Variants in SPICE1 observed in about 807,000 individuals in gnomAD.
SPICE1 encodes spindle and centriole-associated protein 1.
In SPICE1, 75 loss-of-function variants were observed where a neutral mutation model predicts 102.7. The ratio of observed to expected loss-of-function variants is 0.73; its 90% CI spans 0.61 to 0.88. The LOEUF is 0.88. SPICE1 is among the 40% of genes least tolerant of loss of function. SPICE1 has a pLI of 0.00. For missense variants in SPICE1, 979 were observed against 1,020.1 expected (o/e 0.96, Z 0.55); for synonymous variants, 308 against 350.3 (o/e 0.88, Z 1.35).
At chr3:113,448,292 T>C (rs948085098) in intron 15 of SPICE1, 152 bp from the exon 16 acceptor site, 3 of 631,190 alleles carry the variant, frequency 4.8e-6, no homozygotes, top group Non-Finnish European at 7.4e-6. Context: ...AAAGACTTTT[T>C]TTTTTTTTTA....
intron 1 of SPICE1, among the ~76,000 whole-genome samples, chr3:113,512,884 G>C (rs1270112937): frequency 6.6e-6 from 1 of 152,092 alleles, no homozygotes; most frequent in Non-Finnish European, 1.5e-5. Flanking sequence ...CCAGGCACTG[G>C]CTAGGCATTA....
chr3:113,459,841 C>T, intron 12 of SPICE1: 3 of 972,490 alleles, frequency 3.1e-6, no homozygotes, highest in Non-Finnish European at 2.4e-6. Flanking sequence ...GAGAGGGCGC[C>T]ACTACACTCC....
At chr3:113,481,193 A>G (rs1352634648) in intron 7 of SPICE1, among the ~76,000 whole-genome samples, 1 of 152,196 alleles carries the variant, frequency 6.6e-6, no homozygotes, top group Non-Finnish European at 1.5e-5. Flanking sequence ...CCAAGATTCA[A>G]TAAAGTAGCA....
chr3:113,453,779 C>T lies in SPICE1; in HGVS notation c.1829G>A (p.Gly610Glu). 1 of 1,614,084 alleles carries T rather than the reference C, an allele frequency of 6.2e-7. No homozygotes were observed. The highest frequency in any genetic ancestry group is 1.3e-5 in the African/African-American group (1 of 75,000). The change falls in exon 14 of 18, where the codon GGA becomes GAA. Residue 610 changes from glycine to glutamate, a missense_variant. By Grantham distance (98) the Gly-to-Glu change is moderately conservative. Transcript: ENST00000295872. ...FTQRWRVSHM[G>E]EDLENKTQAP... ...CTGAGTTTTGTTCTCCAAATCTTCTCCCATGTGAGAGACTCTCCATCTCTG... is the reference window on the plus strand; with the variant it reads ...CTGAGTTTTGTTCTCCAAATCTTCTTCCATGTGAGAGACTCTCCATCTCTG...
At chr3:113,467,243 T>C (rs931523448) in intron 10 of SPICE1, among the ~76,000 whole-genome samples, 4 of 152,200 alleles carry the variant, frequency 2.6e-5, no homozygotes, top group Non-Finnish European at 4.4e-5. Context: ...TCTAATTCTG[T>C]GGCATTCTGT....
chr3:113,484,827 G>A (rs556365204), intron 7 of SPICE1, among the ~76,000 whole-genome samples: 3 of 152,282 alleles, frequency 2.0e-5, no homozygotes, highest in African/African-American at 7.2e-5. Flanking sequence ...GTACTGAGAA[G>A]AATGTATATT....
At chr3:113,450,628 G>T (rs1935628810) in intron 14 of SPICE1, 112 bp from the exon 15 acceptor site, 1 of 1,080,620 alleles carries the variant, frequency 9.3e-7, no homozygotes, top group Non-Finnish European at 1.3e-6. Flanking sequence ...CCAGGCTGGA[G>T]TGCAGTGGCG....
chr3:113,447,853 T>TA (rs1235111735), intron 16 of SPICE1, among the ~76,000 whole-genome samples, 185 bp downstream of exon 16: 1 of 152,194 alleles, frequency 6.6e-6, no homozygotes, highest in Non-Finnish European at 1.5e-5. Flanking sequence ...CCTTTCTACT[T>TA]AAAGTTTATT....
At chr3:113,504,571 C>CAAAAAAAAAAAAAAAA (rs71633321) in intron 2 of SPICE1, among the ~76,000 whole-genome samples, 1 of 67,856 alleles carries the variant, frequency 1.5e-5, no homozygotes, top group Non-Finnish European at 2.9e-5. Flanking sequence ...GACCTTGTCT[C>CAAAAAAAAAAAAAAAA]AAAAAAAAAA....
chr3:113,447,167 T>G (rs1195915128), intron 16 of SPICE1, among the ~76,000 whole-genome samples: 1 of 152,206 alleles, frequency 6.6e-6, no homozygotes, highest in Non-Finnish European at 1.5e-5. Context: ...AACCTCTTTT[T>G]CTTCCCAATC....
At chr3:113,511,078 C>A (rs768793161) in intron 1 of SPICE1, among the ~76,000 whole-genome samples, 32 of 152,156 alleles carry the variant, frequency 2.1e-4, no homozygotes, top group Non-Finnish European at 3.7e-4. Context: ...TCATGCCAGT[C>A]AGAATGGCGA....
At chr3:113,506,736 G>C in intron 1 of SPICE1, 131 bp from the exon 2 acceptor site, 1 of 636,342 alleles carries the variant, frequency 1.6e-6, no homozygotes, top group Middle Eastern at 4.0e-4. Flanking sequence ...CATGATGAAA[G>C]GAACAGCCTA....
intron 1 of SPICE1, among the ~76,000 whole-genome samples, chr3:113,508,329 T>C (rs1937151721): frequency 6.6e-6 from 1 of 151,966 alleles, no homozygotes; most frequent in African/African-American, 2.4e-5. Context: ...ATCAAGAAAA[T>C]GAAGACAACC....
At chr3:113,489,112 T>G in intron 6 of SPICE1, 49 bp from the exon 7 acceptor site, 1 of 1,165,598 alleles carries the variant, frequency 8.6e-7, no homozygotes, top group Non-Finnish European at 1.3e-6. Context: ...ATATATATAC[T>G]CAGACTTTCT....
chr3:113,476,358 C>T (rs921073130), intron 7 of SPICE1, among the ~76,000 whole-genome samples: 5 of 151,332 alleles, frequency 3.3e-5, no homozygotes, highest in Non-Finnish European at 5.9e-5. Flanking sequence ...GGCCATACTG[C>T]CCAAGGTAAT....
chr3:113,446,162 C>T (rs957622474), intron 17 of SPICE1, among the ~76,000 whole-genome samples: 12 of 152,174 alleles, frequency 7.9e-5, no homozygotes, highest in African/African-American at 2.4e-4. Context: ...ATGGCACAGT[C>T]AGATATGGCA....
intron 9 of SPICE1, 102 bp downstream of exon 9, chr3:113,468,660 C>T: frequency 7.4e-7 from 1 of 1,343,294 alleles, no homozygotes; most frequent in Non-Finnish European, 1.0e-6. Flanking sequence ...CAGTTGGAAC[C>T]ATGTGGATGA....
chr3:113,442,786 TA>T lies in SPICE1; in HGVS notation c.*2520del, dbSNP rs1341200779. On this transcript the variant is annotated 3_prime_UTR_variant, in exon 18 of 18. Coordinates refer to ENST00000295872, the MANE Select transcript of SPICE1 (RefSeq NM_144718.4). ...ACAAATACCATGCATTTATTTGCAA[TA>T]CTGAAATGTCCTCTTTAATCAAGAT... 1 of 152,228 alleles carries T rather than the reference TA, an allele frequency of 6.6e-6. No individual in the cohort carries two copies. The highest frequency in any genetic ancestry group is 1.9e-4 in the East Asian group (1 of 5,202). The allele number at this position is 152,228 out of a possible 1,614,324, so 9.4% of individuals were successfully genotyped here.
Position 113,468,194 on chromosome 3 carries a change from C to G in SPICE1, c.1100G>C (p.Gly367Ala). ...GGAGCTCACCAGCGACAAAGTGAAGCCTGTAAGACCCTGACTGCTCTGCAG... is the reference window on the plus strand; with the variant it reads ...GGAGCTCACCAGCGACAAAGTGAAGGCTGTAAGACCCTGACTGCTCTGCAG... ...KGLQSSQGLT[G>A]FTLSLVSSLC... is the part of the protein sequence containing the mutation. The change falls in exon 10 of 18, where the codon GGC becomes GCC. Residue 367 changes from glycine (G) to alanine (A), a missense_variant. Coordinates refer to ENST00000295872, the MANE Select transcript of SPICE1 (RefSeq NM_144718.4). 6.2e-7 allele frequency: 1 copy of G among 1,614,156 alleles called. No individual in the cohort carries two copies. Among genetic ancestry groups the G allele is most frequent in the South Asian group, 1.1e-5 (1 of 91,086 alleles).
Sources: allele counts gnomAD v4.1 joint callset (sites outside exome capture counted in the v4.1 genomes callset), GRCh38; gene constraint gnomAD v4.1.1; transcripts MANE v1.5; gene names NCBI Gene and HGNC (gene_info 2026-07-23, HGNC 2026-07-21).